Variants in FAM228B observed in about 807,000 individuals in gnomAD.
FAM228B encodes the protein protein FAM228B.
FAM228B carries 38 observed loss-of-function variants against 42.6 expected under a neutral mutation model. The ratio of observed to expected loss-of-function variants is 0.89; its 90% confidence interval spans 0.69 to 1.17. The LOEUF (loss-of-function observed/expected upper bound fraction) is 1.17, where lower values mean the gene tolerates loss of function less well. Among genes scored for constraint, FAM228B ranks in the 50% most tolerant of loss-of-function variants. The pLI is 0.00. For missense variants in FAM228B, 344 were observed against 367.3 expected (o/e 0.94, Z 0.52); for synonymous variants, 109 against 122.3 (o/e 0.89, Z 0.72).
upstream of FAM228B, chr2:24,119,659 CACG>C (rs1317458283): frequency 6.2e-7 from 1 of 1,612,762 alleles, no homozygotes; most frequent in Non-Finnish European, 8.5e-7. Context: ...GATGGGTCTT[CACG>C]ACAACCACAC....
intron 3 of FAM228B, among the ~76,000 whole-genome samples, chr2:24,135,530 A>G (rs1436682963): frequency 3.9e-5 from 6 of 152,234 alleles, no homozygotes; most frequent in Non-Finnish European, 8.8e-5. Flanking sequence ...TATACATAGA[A>G]CAGGGTTTAA....
rs1425483186 is a variant in FAM228B, at chr2:24,158,639, T to TA, written c.687-2861dup. On this transcript the variant is annotated intron_variant, in intron 7 of 10. Coordinates refer to ENST00000615575, the MANE Select transcript of FAM228B (RefSeq NM_001145710.2). The stretch of plus-strand genomic sequence containing the variant: ...GTTGGAGATCACTGAAGAGTTTTTT[T>TA]AAAAAATAGGAATCCACATTTTTGG... 2.0e-5 allele frequency among the ~76,000 whole-genome samples: 3 copies of TA among 152,118 alleles called. No homozygotes were observed. In the East Asian group the frequency reaches 5.8e-4, roughly 29 times the overall value.
intron 7 of FAM228B, among the ~76,000 whole-genome samples, chr2:24,159,989 A>ATTT (rs35525139): frequency 8.8e-6 from 1 of 113,892 alleles, no homozygotes; most frequent in Non-Finnish European, 1.9e-5. Flanking sequence ...TTTTCTTTTC[A>ATTT]TTTTTTTTTT....
At chr2:24,130,649 A>G (rs945501319) in intron 2 of FAM228B, among the ~76,000 whole-genome samples, 16 of 149,230 alleles carry the variant, frequency 1.1e-4, no homozygotes, top group African/African-American at 3.9e-4. Context: ...CCACTTTTTG[A>G]TTTTTTTTTC....
intron 3 of FAM228B, among the ~76,000 whole-genome samples, chr2:24,110,159 C>T (rs548947964): frequency 1.6e-3 from 243 of 152,262 alleles, no homozygotes; most frequent in Non-Finnish European, 1.9e-3. Flanking sequence ...GAGGCATTAT[C>T]CTTAGCAAAC....
At chr2:24,167,955 C>T (rs1028865367) in intron 10 of FAM228B, 1 of 379,036 alleles carries the variant, frequency 2.6e-6, no homozygotes, top group East Asian at 4.9e-5. Context: ...AATTTCTCAC[C>T]GGATTTCTTT....
chr2:24,166,303 A>G (rs1667412900), intron 9 of FAM228B: 1 of 151,780 alleles, frequency 6.6e-6, no homozygotes, highest in African/African-American at 2.4e-5. Context: ...CCAGTTAGAA[A>G]TCAGCACGTG....
chr2:24,079,767 C>A, intron 1 of FAM228B: 1 of 845,960 alleles, frequency 1.2e-6, no homozygotes, highest in South Asian at 1.8e-5. Context: ...ATTAGAAACA[C>A]TGCTTGAAGA....
chr2:24,132,015 G>C (rs890703245), intron 2 of FAM228B, among the ~76,000 whole-genome samples: 1 of 152,114 alleles, frequency 6.6e-6, no homozygotes, highest in Non-Finnish European at 1.5e-5. Flanking sequence ...TCAATACCTA[G>C]TTTATTGAAA....
At chr2:24,159,989 AT>A (rs35525139) in intron 7 of FAM228B, among the ~76,000 whole-genome samples, 4,183 of 113,812 alleles carry the variant, frequency 0.037, 52 homozygotes, top group South Asian at 0.11. Context: ...TTTTCTTTTC[AT>A]TTTTTTTTTT....
At chr2:24,109,416 C>T (rs576664204) in intron 3 of FAM228B, among the ~76,000 whole-genome samples, 1 of 152,220 alleles carries the variant, frequency 6.6e-6, no homozygotes, top group South Asian at 2.1e-4. Flanking sequence ...ACACCAAAAG[C>T]AATTGCAACG....
chr2:24,092,029 C>T (rs1342896693), intron 2 of FAM228B, among the ~76,000 whole-genome samples: 1 of 151,374 alleles, frequency 6.6e-6, no homozygotes, highest in East Asian at 1.9e-4. Context: ...CTCAGGAGTT[C>T]AAGACCAGCC....
In FAM228B at chr2:24,086,506, T is replaced by G. The variant is rs568818532; in HGVS notation, c.-210+5551T>G. On this transcript the variant is annotated intron_variant, in intron 2 of 10. Coordinates refer to the FAM228B transcript ENST00000613899. ...CTCCCTCCCTCCCTCCTTCCTTCCTTCCCTCCTTCCCCACCCCCTCTTTCT... is the reference window on the plus strand; with the variant it reads ...CTCCCTCCCTCCCTCCTTCCTTCCTGCCCTCCTTCCCCACCCCCTCTTTCT... Among the ~76,000 whole-genome samples, 3 of 151,618 alleles carry G rather than the reference T, an allele frequency of 2.0e-5. No individual in the cohort carries two copies. In the East Asian group the frequency reaches 5.8e-4, roughly 29 times the overall value.
rs1664798751 is a variant in FAM228B at position 24,077,450 on chromosome 2, T to C, written c.-290+481T>C. The C allele has an allele frequency of 1.7e-6, 2 of 1,148,030 alleles. No individual in the cohort carries two copies. The highest frequency in any genetic ancestry group is 2.3e-6 in the Non-Finnish European group (2 of 853,546). The allele number at this position is 1,148,030 out of a possible 1,614,324, so 71.1% of individuals were successfully genotyped here. On this transcript the variant is annotated intron_variant, in intron 1 of 10. Transcript: ENST00000613899. The surrounding 1 kb of genome is among the most constrained non-coding windows in gnomAD (Gnocchi z 5.5). Reference sequence around the variant, plus strand: ...TGCCACCCTTCCAGTTCACTCTTTATTTCCTCATATCAGCTTTAAACGGCT... The same window carrying C: ...TGCCACCCTTCCAGTTCACTCTTTACTTCCTCATATCAGCTTTAAACGGCT...
At chr2:24,109,111 A>G (rs1665747066) in intron 3 of FAM228B, among the ~76,000 whole-genome samples, 1 of 150,412 alleles carries the variant, frequency 6.6e-6, no homozygotes, top group African/African-American at 2.4e-5. Flanking sequence ...CCCAGAAATA[A>G]TGCCATACAC....
intron 3 of FAM228B, among the ~76,000 whole-genome samples, chr2:24,110,695 A>G (rs1665776217): frequency 1.3e-5 from 2 of 152,280 alleles, no homozygotes; most frequent in South Asian, 2.1e-4. Context: ...GAAAACTGCA[A>G]TCGTAAGTGC....
chr2:24,109,060 T>C (rs920477906), intron 3 of FAM228B, among the ~76,000 whole-genome samples: 1 of 148,624 alleles, frequency 6.7e-6, no homozygotes, highest in African/African-American at 2.5e-5. Flanking sequence ...ATGGTACTGG[T>C]ACAAAAACAG....
chr2:24,163,940 A>G (rs1434170405), intron 8 of FAM228B, among the ~76,000 whole-genome samples: 2 of 152,204 alleles, frequency 1.3e-5, no homozygotes, highest in Admixed American at 6.5e-5. Context: ...GGACAACTCT[A>G]TGAGGGATCA....
intron 2 of FAM228B, among the ~76,000 whole-genome samples, chr2:24,087,827 G>C (rs1307352751): frequency 6.7e-6 from 1 of 148,828 alleles, no homozygotes; most frequent in African/African-American, 2.5e-5. Flanking sequence ...TGTCACCCAG[G>C]CGATCTCGGC....
Sources: gnomAD v4.1 joint callset for allele counts (sites outside exome capture counted in the v4.1 genomes callset) on GRCh38, gnomAD v4.1.1 for gene constraint, Gnocchi (gnomAD v3.1) non-coding constraint, MANE v1.5 for transcripts, NCBI Gene and HGNC (gene_info 2026-07-23, HGNC 2026-07-21) for gene names.